RSPRY1: variants seen among roughly 807,000 people sequenced by gnomAD.
RSPRY1 encodes the protein RING finger and SPRY domain-containing protein 1.
A neutral mutation model predicts 73.1 loss-of-function variants in RSPRY1; 23 were observed. The ratio of observed to expected loss-of-function variants is 0.31; its 90% CI spans 0.23 to 0.45. RSPRY1 has a LOEUF of 0.45. Ranked by LOEUF, RSPRY1 falls within the 20% of genes least tolerant of loss-of-function variation. The pLI, the probability that RSPRY1 is intolerant of heterozygous loss-of-function variation, is 1.00. For missense variants in RSPRY1, 448 were observed against 698.7 expected, an observed-to-expected ratio of 0.64 and a Z score of 4.05; for synonymous variants, 226 against 251.4, an observed-to-expected ratio of 0.90 and a Z score of 0.95.
At chr16:57,206,879 A>G (rs1399642927) in intron 2 of RSPRY1, among the ~76,000 whole-genome samples, 1 of 152,180 alleles carries the variant, frequency 6.6e-6, no homozygotes, top group African/African-American at 2.4e-5. Flanking sequence ...GCAATATTTT[A>G]AAAGAGAGTG....
At chr16:57,200,666 C>A (rs1413013279) in intron 1 of RSPRY1, among the ~76,000 whole-genome samples, 2 of 5,888 alleles carry the variant, frequency 3.4e-4, no homozygotes, top group Admixed American at 1.9e-3. Context: ...GGGGGGCTGA[C>A]CCCCCCACCT....
chr16:57,205,174 G>T, intron 2 of RSPRY1, 166 bp downstream of exon 2: 1 of 592,236 alleles, frequency 1.7e-6, no homozygotes. Flanking sequence ...TAAATGATAA[G>T]ATTTGATGTT....
At chr16:57,220,888 A>T in intron 9 of RSPRY1, 41 bp downstream of exon 9, 1 of 1,374,570 alleles carries the variant, frequency 7.3e-7, no homozygotes, top group Non-Finnish European at 1.0e-6. Flanking sequence ...GGGGGATGAG[A>T]GGGTAATTAT....
chr16:57,228,763 A>T (rs768094233), intron 11 of RSPRY1, among the ~76,000 whole-genome samples: 5 of 152,132 alleles, frequency 3.3e-5, no homozygotes, highest in Non-Finnish European at 7.4e-5. Context: ...GTGTGATCAT[A>T]GCTCATACAG....
intron 1 of RSPRY1, among the ~76,000 whole-genome samples, chr16:57,200,657 G>C (rs1455633611): frequency 1.4e-5 from 2 of 138,074 alleles, no homozygotes; most frequent in African/African-American, 5.4e-5. Context: ...TGGCCGGGCG[G>C]GGGGCTGACC....
chr16:57,235,124 G>T lies in RSPRY1; in HGVS notation c.1530G>T (p.Arg510Ser). ...LTAEEKIILP[R>S]HRRLALLKQV... Reference sequence around the variant, plus strand: ...ATTTCAAATTGCTTTTTCTACTCAGGCACAGGCGTCTTGCTCTGTTGAAGC... The same window carrying T: ...ATTTCAAATTGCTTTTTCTACTCAGTCACAGGCGTCTTGCTCTGTTGAAGC... Residue 510 changes from arginine (R) to serine (S), a missense_variant and splice_region_variant, in exon 14 of 15, where the codon AGG becomes AGT. Transcript: ENST00000394420. The T allele has an allele frequency of 6.2e-7, 1 of 1,612,676 alleles. No homozygotes were observed. The highest frequency in any genetic ancestry group is 8.5e-7 in the Non-Finnish European group (1 of 1,178,814).
At chr16:57,199,901 TTTTTTC>T (rs2074532573) in intron 1 of RSPRY1, among the ~76,000 whole-genome samples, 1 of 150,044 alleles carries the variant, frequency 6.7e-6, no homozygotes, top group Non-Finnish European at 1.5e-5. Flanking sequence ...GTTTGTTTTT[TTTTTTC>T]TTTTTCTTTT....
chr16:57,187,521 C>T (rs563801528), intron 1 of RSPRY1, among the ~76,000 whole-genome samples: 3 of 150,136 alleles, frequency 2.0e-5, no homozygotes, highest in Non-Finnish European at 2.9e-5. Context: ...AGTGACTTAA[C>T]CTCCTTAAGT....
At chr16:57,194,522 G>A (rs972592130) in intron 1 of RSPRY1, among the ~76,000 whole-genome samples, 2 of 152,124 alleles carry the variant, frequency 1.3e-5, no homozygotes, top group Non-Finnish European at 2.9e-5. Flanking sequence ...AAAATTTTCA[G>A]GATGTTACAC....
chr16:57,226,174 T>G (rs1310517401), intron 10 of RSPRY1, among the ~76,000 whole-genome samples: 1 of 152,202 alleles, frequency 6.6e-6, no homozygotes, highest in Non-Finnish European at 1.5e-5. Context: ...CTATAACCTT[T>G]CTCTTATCTC....
chr16:57,237,183 G>A (rs1021855458), intron 14 of RSPRY1, among the ~76,000 whole-genome samples: 3 of 152,064 alleles, frequency 2.0e-5, no homozygotes, highest in Non-Finnish European at 2.9e-5. Flanking sequence ...TTGCTCTGTC[G>A]TCCAGGCTGG....
chr16:57,238,292 C>G (rs140473520), intron 14 of RSPRY1, among the ~76,000 whole-genome samples: 20 of 152,266 alleles, frequency 1.3e-4, no homozygotes, highest in Admixed American at 7.8e-4. Context: ...AAAAGAGCAA[C>G]ATGATTTTTT....
chr16:57,223,747 G>T (rs1281825948), intron 10 of RSPRY1, among the ~76,000 whole-genome samples: 2 of 152,188 alleles, frequency 1.3e-5, no homozygotes, highest in Non-Finnish European at 2.9e-5. Flanking sequence ...ACTCTAGCCT[G>T]GGCGATAGAG....
chr16:57,212,885 A>G (rs1383112001), intron 4 of RSPRY1, 87 bp from the exon 5 acceptor site: 2 of 1,441,914 alleles, frequency 1.4e-6, no homozygotes, highest in Non-Finnish European at 1.9e-6. Flanking sequence ...AGTGCTGGTT[A>G]TAGCTTTTGT....
At chr16:57,190,596 C>T (rs1427056148) in intron 1 of RSPRY1, among the ~76,000 whole-genome samples, 2 of 152,154 alleles carry the variant, frequency 1.3e-5, no homozygotes, top group African/African-American at 4.8e-5. Flanking sequence ...AGTTTTTTCC[C>T]TGATATTCAA....
intron 8 of RSPRY1, 139 bp from the exon 9 acceptor site, chr16:57,220,593 C>T: frequency 2.0e-6 from 1 of 510,118 alleles, no homozygotes; most frequent in Non-Finnish European, 3.6e-6. Context: ...TATCCACAAA[C>T]ATGGATAATT....
At chr16:57,217,745 T>G (rs2074964348) in intron 8 of RSPRY1, among the ~76,000 whole-genome samples, 1 of 152,166 alleles carries the variant, frequency 6.6e-6, no homozygotes, top group African/African-American at 2.4e-5. Context: ...ATTTTCAGAT[T>G]AAGAGTGATC....
intron 1 of RSPRY1, 158 bp downstream of exon 1, chr16:57,186,609 G>C (rs2074192783): frequency 6.5e-6 from 1 of 152,880 alleles, no homozygotes; most frequent in South Asian, 2.1e-4. Flanking sequence ...AAAGGGCCCG[G>C]GAGAGAGGTG....
At chr16:57,220,502 C>A in intron 8 of RSPRY1, 1 of 277,482 alleles carries the variant, frequency 3.6e-6, no homozygotes, top group Non-Finnish European at 6.9e-6. Flanking sequence ...ATTTTATATC[C>A]TGCAACTTTA....
Sources: allele counts gnomAD v4.1 joint callset (sites outside exome capture counted in the v4.1 genomes callset), GRCh38; gene constraint gnomAD v4.1.1; transcripts MANE v1.5; gene names NCBI Gene and HGNC (gene_info 2026-07-23, HGNC 2026-07-21).